Variants in CSMD1 observed in about 807,000 individuals in gnomAD.
CSMD1 encodes the protein CUB and sushi domain-containing protein 1.
CSMD1 carries 213 observed loss-of-function variants against 417.5 expected under a neutral mutation model. The ratio of observed to expected loss-of-function variants is 0.51; its 90% confidence interval spans 0.46 to 0.57. CSMD1 has a LOEUF of 0.57. Ranked by LOEUF, CSMD1 falls within the 20% of genes least tolerant of loss-of-function variation. The probability of loss-of-function intolerance (pLI) is 0.00; values close to 1 mark genes in which losing one functional copy is unlikely to be tolerated. For synonymous variants in CSMD1, 2,862 were observed against 1,736.8 expected (o/e 1.65, Z -16.11); for missense variants, 6,923 against 4,529.7 (o/e 1.53, Z -15.17).
At chr8:2,986,784 G>A (rs769311763) in intron 54 of CSMD1, among the ~76,000 whole-genome samples, 22 of 152,260 alleles carry the variant, frequency 1.4e-4, no homozygotes, top group East Asian at 3.9e-4. Flanking sequence ...GATTACAGGC[G>A]TGAGCCACCG....
chr8:4,242,471 A>G lies in CSMD1; in HGVS notation c.415+177482T>C, dbSNP rs1802459751. Among the ~76,000 whole-genome samples, 3 of 152,256 alleles carry G rather than the reference A, an allele frequency of 2.0e-5. No individual in the cohort carries two copies. The South Asian group carries it at 6.2e-4, about 32-fold the overall frequency. On this transcript the variant is annotated intron_variant, in intron 3 of 69. Coordinates refer to ENST00000635120, the MANE Select transcript of CSMD1 (RefSeq NM_033225.6). ...AATAGGACTATTGTTGTGAGCATAA[A>G]TTAGCAGAGACTTCCTGAGAGCAAT...
chr8:4,293,318 G>A (rs1293133442), intron 3 of CSMD1, among the ~76,000 whole-genome samples: 1 of 152,122 alleles, frequency 6.6e-6, no homozygotes, highest in African/African-American at 2.4e-5. Context: ...AGAAACTGAC[G>A]ATGCTGAAAT....
chr8:3,052,395 C>T lies in CSMD1; in HGVS notation c.7660+67G>A, dbSNP rs548761688. ...GGACCTCTGAACGTGGGAACCCGGA[C>T]TTCTCCCGAAAGCATTCAGTTCCCA... On this transcript the variant is annotated intron_variant, in intron 50 of 69. Transcript: ENST00000635120. 2.8e-4 allele frequency: 367 copies of T among 1,326,804 alleles called. No individual in the cohort carries two copies. The Middle Eastern group carries it at 2.8e-3, about 10-fold the overall frequency. The allele number at this position is 1,326,804 out of a possible 1,614,324, so 82.2% of individuals were successfully genotyped here. A position where few individuals can be genotyped will look rare whatever the true frequency, so the allele number is the denominator to read the frequency against.
chr8:4,269,437 C>A (rs77994100), intron 3 of CSMD1, among the ~76,000 whole-genome samples: 2,703 of 152,244 alleles, frequency 0.018, 45 homozygotes, highest in Non-Finnish European at 0.027. Context: ...AGAATTTTCT[C>A]TCTGAAGTTT....
chr8:3,662,519 T>C (rs1040226269), intron 7 of CSMD1, among the ~76,000 whole-genome samples: 10 of 152,232 alleles, frequency 6.6e-5, no homozygotes, highest in African/African-American at 2.4e-4. Flanking sequence ...TGTGTCTTTA[T>C]AGTAGAATGA....
intron 3 of CSMD1, among the ~76,000 whole-genome samples, chr8:4,065,135 T>C (rs1799178869): frequency 1.3e-5 from 2 of 152,256 alleles, no homozygotes; most frequent in African/African-American, 4.8e-5. Context: ...TTTAGAGTTT[T>C]TTAAAAATTA....
At chr8:4,045,563 G>A (rs1248020566) in intron 3 of CSMD1, among the ~76,000 whole-genome samples, 2 of 152,138 alleles carry the variant, frequency 1.3e-5, no homozygotes, top group African/African-American at 4.8e-5. Flanking sequence ...TCAGAAAGAG[G>A]ATGTGCAATG....
chr8:4,051,605 C>A (rs994604024), intron 3 of CSMD1, among the ~76,000 whole-genome samples: 1 of 152,112 alleles, frequency 6.6e-6, no homozygotes, highest in Non-Finnish European at 1.5e-5. Flanking sequence ...AAGTGCACAG[C>A]GGGGCTTGTA....
Position 3,840,271 on chromosome 8 carries a change from T to C in CSMD1, c.819-86229A>G, listed in dbSNP as rs570368756. Among the ~76,000 whole-genome samples, 30 of 152,178 alleles carry C rather than the reference T, an allele frequency of 2.0e-4. 1 individual carries two copies. In the South Asian group the frequency reaches 4.6e-3, roughly 23 times the overall value. On this transcript the variant is annotated intron_variant, in intron 5 of 69. Transcript: ENST00000635120. Reference sequence around the variant, plus strand: ...AATTAGCCAAATGGTGAAACAGATGTTCAAGAATGGCAAAGCTCACGCAGG... The same window carrying C: ...AATTAGCCAAATGGTGAAACAGATGCTCAAGAATGGCAAAGCTCACGCAGG...
intron 2 of CSMD1, among the ~76,000 whole-genome samples, chr8:4,462,346 G>C (rs1164360754): frequency 5.3e-5 from 8 of 151,918 alleles, no homozygotes; most frequent in African/African-American, 2.4e-5. Flanking sequence ...AGAAATTGAA[G>C]ACCTAAATAA....
chr8:4,619,820 AAT>A (rs1286687732), intron 2 of CSMD1, among the ~76,000 whole-genome samples: 2 of 152,142 alleles, frequency 1.3e-5, no homozygotes, highest in African/African-American at 2.4e-5. Flanking sequence ...CAGTTGAAAT[AAT>A]ATGTTTTGTT....
chr8:4,576,313 C>G (rs1299765549), intron 2 of CSMD1, among the ~76,000 whole-genome samples: 1 of 152,220 alleles, frequency 6.6e-6, no homozygotes, highest in Non-Finnish European at 1.5e-5. Context: ...TCCTCTCATT[C>G]TTTTCTTTTC....
intron 27 of CSMD1, among the ~76,000 whole-genome samples, chr8:3,226,214 C>T (rs1181622667): frequency 1.3e-5 from 2 of 152,070 alleles, no homozygotes; most frequent in Admixed American, 1.3e-4. Flanking sequence ...GAGTGTTTTG[C>T]AATTTGGACT....
At chr8:4,082,198 A>T (rs911633522) in intron 3 of CSMD1, among the ~76,000 whole-genome samples, 1 of 152,120 alleles carries the variant, frequency 6.6e-6, no homozygotes, top group Non-Finnish European at 1.5e-5. Flanking sequence ...CTGTGAATAA[A>T]TTTTTCCCCA....
Position 4,035,985 on chromosome 8 carries a change from T to A in CSMD1, c.416-3886A>T, listed in dbSNP as rs200154936. On this transcript the variant is annotated intron_variant, in intron 3 of 69. Transcript: ENST00000635120. The stretch of plus-strand genomic sequence containing the variant: ...CCTATGAGAGTGTAACACTTTTTTT[T>A]ATTTTTAATGCTGTTTTATTACTGT... Among the ~76,000 whole-genome samples the A allele has an allele frequency of 8.5e-5, 13 of 152,272 alleles. No homozygotes were observed. In the East Asian group the frequency reaches 2.3e-3, roughly 27 times the overall value.
intron 5 of CSMD1, among the ~76,000 whole-genome samples, chr8:3,794,625 A>T (rs1323396093): frequency 7.0e-6 from 1 of 141,864 alleles, no homozygotes; most frequent in Admixed American, 7.1e-5. Context: ...ATTATTTTTT[A>T]ATTTGCTAAA....
At chr8:4,417,866 C>T (rs1341168751) in intron 3 of CSMD1, among the ~76,000 whole-genome samples, 1 of 151,956 alleles carries the variant, frequency 6.6e-6, no homozygotes, top group Non-Finnish European at 1.5e-5. Flanking sequence ...TTTCCCATGA[C>T]ATTTCCTTGG....
chr8:3,981,447 A>C (rs1283710681), intron 5 of CSMD1, among the ~76,000 whole-genome samples: 1 of 149,502 alleles, frequency 6.7e-6, no homozygotes. Context: ...CCGCTAAAGA[A>C]CTTACTCATG....
chr8:3,874,812 C>T (rs1039677367), intron 5 of CSMD1, among the ~76,000 whole-genome samples: 1 of 152,096 alleles, frequency 6.6e-6, no homozygotes. Flanking sequence ...ATAGGACACA[C>T]ACCAAAGACG....
Sources: gnomAD v4.1 joint callset for allele counts (sites outside exome capture counted in the v4.1 genomes callset) on GRCh38, gnomAD v4.1.1 for gene constraint, MANE v1.5 for transcripts, NCBI Gene and HGNC (gene_info 2026-07-23, HGNC 2026-07-21) for gene names.